Variants in SF3B2 observed in about 807,000 individuals in gnomAD.
The protein encoded by SF3B2 is splicing factor 3b subunit 2.
Under a neutral mutation model 116.3 loss-of-function variants are expected in SF3B2, and 22 were observed. The observed-to-expected ratio is 0.19, with a 90% CI of 0.14 to 0.27. SF3B2 has a LOEUF of 0.27. Among genes scored for constraint, SF3B2 ranks in the 10% least tolerant of loss-of-function variants. The probability of loss-of-function intolerance (pLI) is 1.00; values close to 1 mark genes in which losing one functional copy is unlikely to be tolerated. For synonymous variants in SF3B2, 406 were observed against 421.6 expected, an observed-to-expected ratio of 0.96 and a Z score of 0.45; for missense variants, 767 against 1,151.4, an observed-to-expected ratio of 0.67 and a Z score of 4.83.
chr11:66,068,804 G>A lies in SF3B2; in HGVS notation c.*59G>A. On this transcript the variant is annotated 3_prime_UTR_variant, in exon 22 of 22. Coordinates refer to ENST00000322535, the MANE Select transcript of SF3B2 (RefSeq NM_006842.3). ...GTCTGGATGCCTGGGCTTCACACAA[G>A]AACCACCTCTCCCGCAGTTCCCAAG... The A allele has an allele frequency of 1.5e-6, 2 of 1,317,724 alleles. No homozygotes were observed. The highest frequency in any genetic ancestry group is 2.2e-6 in the Non-Finnish European group (2 of 915,978). The allele number at this position is 1,317,724 out of a possible 1,614,324, so 81.6% of individuals were successfully genotyped here.
rs1857219469 is a variant in SF3B2 at position 66,068,132 on chromosome 11, C to T, written c.2431-16C>T. ...CTGACTCTTTGGAGATGACCAGGCC[C>T]TGATCTCCTTTCCAGGTTATGAGCC... On this transcript the variant is annotated splice_polypyrimidine_tract_variant and intron_variant, in intron 20 of 21. Coordinates refer to ENST00000322535, the MANE Select transcript of SF3B2 (RefSeq NM_006842.3). The T allele has an allele frequency of 6.2e-7, 1 of 1,613,550 alleles. No homozygotes were observed. Among genetic ancestry groups the T allele is most frequent in the South Asian group, 1.1e-5 (1 of 91,060 alleles).
intron 3 of SF3B2, 69 bp from the exon 4 acceptor site, chr11:66,055,007 G>T (rs768463691): frequency 4.8e-6 from 7 of 1,445,726 alleles, no homozygotes; most frequent in Non-Finnish European, 6.5e-6. Flanking sequence ...ACTCAAAGTA[G>T]ATCCCCCAGA....
Position 66,068,857 on chromosome 11 carries a change from G to T in SF3B2, c.*112G>T. On this transcript the variant is annotated 3_prime_UTR_variant, in exon 22 of 22. Coordinates refer to ENST00000322535, the MANE Select transcript of SF3B2 (RefSeq NM_006842.3). ...CTTGTCATTTCATGTTCTTATTTTAGACCTGTTTTGTAAATAAAGCTGTTT... is the reference window on the plus strand; with the variant it reads ...CTTGTCATTTCATGTTCTTATTTTATACCTGTTTTGTAAATAAAGCTGTTT... The T allele has an allele frequency of 1.2e-6, 1 of 830,882 alleles. No homozygotes were observed. The highest frequency in any genetic ancestry group is 2.0e-6 in the Non-Finnish European group (1 of 509,692). 51.5% of individuals were successfully genotyped at this position (830,882 alleles called of 1,614,324 possible).
chr11:66,067,677 C>T (rs1042665525), intron 19 of SF3B2: 1 of 502,396 alleles, frequency 2.0e-6, no homozygotes. Context: ...ACCTTTTGAC[C>T]CTTATGTGCA....
At chr11:66,057,156 C>G in intron 6 of SF3B2, 110 bp from the exon 7 acceptor site, 1 of 888,426 alleles carries the variant, frequency 1.1e-6, no homozygotes, top group South Asian at 1.3e-5. Flanking sequence ...AGCCACGCCA[C>G]GTGCCCTCCT....
Position 66,068,713 on chromosome 11 carries a change from G to A in SF3B2, c.2656G>A (p.Gly886Ser). The change falls in exon 22 of 22, where the codon GGC becomes AGC. Residue 886 changes from glycine (G) to serine (S), a missense_variant. Gly to Ser is a moderately conservative substitution (Grantham distance 56, BLOSUM62 0). Transcript: ENST00000322535. ...RKAQPQDSRG[G>S]SKKYKEFKF ...AGCTCAGCCCCAGGACAGCCGTGGG[G>A]GCAGCAAGAAATATAAGGAGTTCAA... The A allele has an allele frequency of 6.2e-7, 1 of 1,614,062 alleles. No individual in the cohort carries two copies. The highest frequency in any genetic ancestry group is 8.5e-7 in the Non-Finnish European group (1 of 1,180,004).
intron 14 of SF3B2, among the ~76,000 whole-genome samples, chr11:66,061,364 G>T (rs150628900): frequency 6.6e-6 from 1 of 152,320 alleles, no homozygotes; most frequent in East Asian, 1.9e-4. Flanking sequence ...GGTTTTTTCT[G>T]ATCCTTGAAA....
rs1857239917 is a variant in SF3B2 at position 66,068,842 on chromosome 11, C to G, written c.*97C>G. On this transcript the variant is annotated 3_prime_UTR_variant, in exon 22 of 22. Transcript: ENST00000322535. ...CGCAGTTCCCAAGGACTTGTCATTT[C>G]ATGTTCTTATTTTAGACCTGTTTTG... is the stretch of plus-strand genomic sequence containing the variant. 7 of 961,908 alleles carry G rather than the reference C, an allele frequency of 7.3e-6. No homozygotes were observed. Among genetic ancestry groups the G allele is most frequent in the Non-Finnish European group, 9.7e-6 (6 of 617,208 alleles). 59.6% of individuals were successfully genotyped at this position (961,908 alleles called of 1,614,324 possible).
chr11:66,058,649 G>T (rs1857044939), intron 9 of SF3B2, 181 bp from the exon 10 acceptor site: 3 of 644,530 alleles, frequency 4.7e-6, no homozygotes, highest in African/African-American at 1.8e-5. Flanking sequence ...CATACAGCTT[G>T]TGAGTGGCAG....
At chr11:66,062,860 A>G (rs1240463576) in intron 16 of SF3B2, 149 bp from the exon 17 acceptor site, 8 of 468,966 alleles carry the variant, frequency 1.7e-5, no homozygotes, top group Non-Finnish European at 3.0e-5. Context: ...TTGGTTTCTA[A>G]TGCTTCATAA....
At position 66,069,278 on chromosome 11, in the gene SF3B2, CAT is replaced by C. The variant is rs1857246784; in HGVS notation, c.*535_*536del. On this transcript the variant is annotated 3_prime_UTR_variant, in exon 22 of 22. Coordinates refer to ENST00000322535, the MANE Select transcript of SF3B2 (RefSeq NM_006842.3). ...GTTCAAGTCCTTACCTGTGCGACAACATAGCTCAAAAGCTAAATTGTCTTGAG... is the reference window on the plus strand; with the variant it reads ...GTTCAAGTCCTTACCTGTGCGACAACAGCTCAAAAGCTAAATTGTCTTGAG... The C allele has an allele frequency of 2.3e-6, 1 of 426,024 alleles. No individual in the cohort carries two copies. The highest frequency in any genetic ancestry group is 1.6e-5 in the South Asian group (1 of 61,912). 26.4% of individuals were successfully genotyped at this position (426,024 alleles called of 1,614,324 possible).
chr11:66,066,337 T>A (rs893396945), intron 19 of SF3B2: 1 of 152,144 alleles, frequency 6.6e-6, no homozygotes, highest in African/African-American at 2.4e-5. Flanking sequence ...TGAGAGAGGT[T>A]CTCACTGTGT....
intron 2 of SF3B2, 117 bp downstream of exon 2, chr11:66,052,836 G>A: frequency 2.3e-6 from 3 of 1,323,764 alleles, no homozygotes; most frequent in Non-Finnish European, 3.1e-6. Context: ...GCGGAGGCTT[G>A]CCCTTTTTAG....
rs1406529378 is a variant in SF3B2, at chr11:66,068,926, A to T, written c.*181A>T. ...TATTTAACACTCCTGAGCCTCCCTCATCTCCTTTTAGCCCCTTCTTGCAAA... is the reference window on the plus strand; with the variant it reads ...TATTTAACACTCCTGAGCCTCCCTCTTCTCCTTTTAGCCCCTTCTTGCAAA... On this transcript the variant is annotated 3_prime_UTR_variant, in exon 22 of 22. Transcript: ENST00000322535. 5 of 581,356 alleles carry T rather than the reference A, an allele frequency of 8.6e-6. No homozygotes were observed. Among genetic ancestry groups the T allele is most frequent in the Non-Finnish European group, 1.5e-5 (5 of 324,508 alleles). 36.0% of individuals were successfully genotyped at this position (581,356 alleles called of 1,614,324 possible).
At chr11:66,062,328 T>A (rs1382331327) in intron 16 of SF3B2, among the ~76,000 whole-genome samples, 4 of 152,144 alleles carry the variant, frequency 2.6e-5, no homozygotes, top group Admixed American at 2.6e-4. Flanking sequence ...ATATTAAGAA[T>A]GACCAGAGAG....
At chr11:66,060,501 C>A in intron 13 of SF3B2, 81 bp from the exon 14 acceptor site, 3 of 1,526,096 alleles carry the variant, frequency 2.0e-6, no homozygotes, top group South Asian at 2.4e-5. Context: ...TTCCCATGAT[C>A]TCATTTGGAG....
Position 66,052,412 on chromosome 11 carries a change from A to G in SF3B2, c.28A>G (p.Lys10Glu). The change falls in exon 1 of 22, where the codon AAA (lysine) becomes GAA (glutamate). Residue 10 changes from lysine (K) to glutamate (E), a missense_variant. By Grantham distance (56) the Lys-to-Glu change is moderately conservative. Around this residue, in one of 4 missense-constraint regions of SF3B2, gnomAD observed 455 missense variants for 537.5 expected, o/e 0.85. Coordinates refer to ENST00000322535, the MANE Select transcript of SF3B2 (RefSeq NM_006842.3). ...GGCGACGGAGCATCCCGAGCCTCCCAAAGCAGAATTGCAGCTGCCGCCGCC... is the reference window on the plus strand; with the variant it reads ...GGCGACGGAGCATCCCGAGCCTCCCGAAGCAGAATTGCAGCTGCCGCCGCC... MATEHPEPPKAELQLPPPPP... is the reference protein window; with the variant it reads MATEHPEPPEAELQLPPPPP... 2 of 1,612,730 alleles carry G rather than the reference A, an allele frequency of 1.2e-6. No individual in the cohort carries two copies. Among genetic ancestry groups the G allele is most frequent in the Non-Finnish European group, 1.7e-6 (2 of 1,179,780 alleles).
chr11:66,052,446 C>T lies in SF3B2; in HGVS notation c.62C>T (p.Pro21Leu), dbSNP rs1327635944. The stretch of plus-strand genomic sequence containing the variant: ...TTGCAGCTGCCGCCGCCGCCACCTC[C>T]AGGCCACTATGGCGCCTGGGCTGCC... ...AELQLPPPPP[P>L]GHYGAWAAQE... The change falls in exon 1 of 22, where the codon CCA becomes CTA. Residue 21 changes from proline (P) to leucine (L), a missense_variant. Physicochemically the swap from Pro to Leu is moderately conservative, Grantham distance 98. Around this residue, in one of 4 missense-constraint regions of SF3B2, gnomAD observed 455 missense variants for 537.5 expected, o/e 0.85. Transcript: ENST00000322535. 1.2e-6 allele frequency: 2 copies of T among 1,613,704 alleles called. No individual in the cohort carries two copies. Among genetic ancestry groups the T allele is most frequent in the Admixed American group, 1.7e-5 (1 of 60,024 alleles).
rs1191480801 is a variant in SF3B2 at position 66,069,017 on chromosome 11, T to C, written c.*272T>C. ...CAGTAACCACGAACATAAACTGGGATTAGACGGCGCATTTGACTGGTGGTG... is the reference window on the plus strand; with the variant it reads ...CAGTAACCACGAACATAAACTGGGACTAGACGGCGCATTTGACTGGTGGTG... On this transcript the variant is annotated 3_prime_UTR_variant, in exon 22 of 22. Transcript: ENST00000322535. 1 of 452,152 alleles carries C rather than the reference T, an allele frequency of 2.2e-6. No homozygotes were observed. The highest frequency in any genetic ancestry group is 2.0e-5 in the African/African-American group (1 of 50,914). The allele number at this position is 452,152 out of a possible 1,614,324, so 28.0% of individuals were successfully genotyped here. A position where few individuals can be genotyped will look rare whatever the true frequency, so the allele number is the denominator to read the frequency against.
Sources: gnomAD v4.1 joint callset for allele counts (sites outside exome capture counted in the v4.1 genomes callset) on GRCh38, gnomAD v4.1.1 for gene constraint, gnomAD v4.1.1 regional missense constraint, MANE v1.5 for transcripts, NCBI Gene and HGNC (gene_info 2026-07-23, HGNC 2026-07-21) for gene names.